DNAJC11: variants seen among roughly 807,000 people sequenced by gnomAD.
DNAJC11 encodes DnaJ heat shock protein family (Hsp40) member C11, also known as dnaJ homolog subfamily C member 11.
In DNAJC11, 15 loss-of-function variants were observed where a neutral mutation model predicts 78.6. The observed-to-expected ratio is 0.19, with a 90% CI of 0.13 to 0.29. The LOEUF is 0.29. Ranked by LOEUF, DNAJC11 falls within the 10% of genes least tolerant of loss-of-function variation. The pLI, the probability that DNAJC11 is intolerant of heterozygous loss-of-function variation, is 1.00. For synonymous variants in DNAJC11, 292 were observed against 272.1 expected (o/e 1.07, Z -0.72); for missense variants, 547 against 709.6 (o/e 0.77, Z 2.60).
At chr1:6,690,767 A>G (rs1340561648) in intron 1 of DNAJC11, among the ~76,000 whole-genome samples, 1 of 151,930 alleles carries the variant, frequency 6.6e-6, no homozygotes, top group Non-Finnish European at 1.5e-5. Flanking sequence ...TACCAAAAAT[A>G]CAAAAAATTA....
In DNAJC11 at chr1:6,638,343, T is replaced by C. The variant is rs747469514; in HGVS notation, c.1275A>G (p.Glu425=). Residue 425 remains glutamate (E), a synonymous_variant, in exon 12 of 16, where the codon GAA becomes GAG. Transcript: ENST00000377577. ...QKEKELEKQR[E]SAATDVLQKK... ...TCTGCAGCACATCGGTGGCGGCGCT[T>C]TCCCTCTGCTTCTCCAATTCCCTTA... is the stretch of plus-strand genomic sequence containing the variant. The C allele has an allele frequency of 9.9e-6, 16 of 1,613,522 alleles. No homozygotes were observed. The highest frequency in any genetic ancestry group is 1.3e-5 in the Non-Finnish European group (15 of 1,179,734).
intron 4 of DNAJC11, among the ~76,000 whole-genome samples, chr1:6,663,900 A>G (rs1211610509): frequency 6.6e-6 from 1 of 152,224 alleles, no homozygotes; most frequent in East Asian, 1.9e-4. Flanking sequence ...CTAAGAATGC[A>G]GAAGGGACTT....
At position 6,653,991 on chromosome 1, in the gene DNAJC11, C is replaced by T. The variant is rs764471209; in HGVS notation, c.427G>A (p.Asp143Asn). The T allele has an allele frequency of 1.2e-6, 2 of 1,613,700 alleles. No homozygotes were observed. The highest frequency in any genetic ancestry group is 3.3e-5 in the Admixed American group (2 of 60,008). ...CCGGACACATCTTCATACTCCTCAT[C>T]ATAGCGATCAAAAAGGTCGGTGGCA... is the stretch of plus-strand genomic sequence containing the variant. ...VDATDLFDRY[D>N]EEYEDVSGSS... is the part of the protein sequence containing the mutation. The change falls in exon 5 of 16, where the codon GAT (aspartate) becomes AAT (asparagine). Residue 143 changes from aspartate to asparagine, a missense_variant. Physicochemically the swap from Asp to Asn is conservative, Grantham distance 23. Coordinates refer to ENST00000377577, the MANE Select transcript of DNAJC11 (RefSeq NM_018198.4). This position sits in a 1 kb window ranked among gnomAD's most constrained non-coding sequence, Gnocchi z 4.5.
In DNAJC11 at chr1:6,660,557, G is replaced by A. The variant is rs145596758; in HGVS notation, c.379-6518C>T. On this transcript the variant is annotated intron_variant, in intron 4 of 15. Transcript: ENST00000377577. Reference sequence around the variant, plus strand: ...TTAGGTTGTCTGTTTTATTCTCTGCGGAATGTTCACATTCCTAAAGTGTCT... The same window carrying A: ...TTAGGTTGTCTGTTTTATTCTCTGCAGAATGTTCACATTCCTAAAGTGTCT... Among the ~76,000 whole-genome samples, 439 of 152,046 alleles carry A rather than the reference G, an allele frequency of 2.9e-3. 1 individual carries two copies. Among genetic ancestry groups the A allele is most frequent in the Non-Finnish European group, 3.9e-3 (262 of 68,008 alleles).
chr1:6,691,157 C>T (rs1220611305), intron 1 of DNAJC11, among the ~76,000 whole-genome samples: 1 of 140,416 alleles, frequency 7.1e-6, no homozygotes. Flanking sequence ...AAAAAGATTA[C>T]ACAATTAGTA....
In DNAJC11 at chr1:6,646,899, TA is replaced by T. The variant is rs1242551783; in HGVS notation, c.705-922del. 5.9e-5 allele frequency among the ~76,000 whole-genome samples: 9 copies of T among 152,162 alleles called. No individual in the cohort carries two copies. The East Asian group carries it at 1.7e-3, about 29-fold the overall frequency. On this transcript the variant is annotated intron_variant, in intron 7 of 15. Transcript: ENST00000377577. ...AGGCAGGCTCATTGGCTCACACCTG[TA>T]ACCCCAGCACTTTGGGAGGCTGAGG...
rs1039021853 is a variant in DNAJC11, at chr1:6,645,316, A to T, written c.895-190T>A. Among the ~76,000 whole-genome samples the T allele has an allele frequency of 6.6e-6, 1 of 152,224 alleles. No homozygotes were observed. Among genetic ancestry groups the T allele is most frequent in the African/African-American group, 2.4e-5 (1 of 41,448 alleles). ...CAGTAATTAAAAAGTGGGAGACTTC[A>T]CTGAAAACCCAGTTTTCTAGCTTCT... On this transcript the variant is annotated intron_variant, in intron 8 of 15. Coordinates refer to ENST00000377577, the MANE Select transcript of DNAJC11 (RefSeq NM_018198.4). The surrounding 1 kb of genome is among the most constrained non-coding windows in gnomAD (Gnocchi z 4.1).
At chr1:6,689,394 A>T (rs865842673) in intron 1 of DNAJC11, among the ~76,000 whole-genome samples, 1 of 152,212 alleles carries the variant, frequency 6.6e-6, no homozygotes, top group Non-Finnish European at 1.5e-5. Flanking sequence ...TTTGGCTCGA[A>T]TATGGGTTAG....
In DNAJC11 at chr1:6,654,035, G is replaced by A. The variant is rs769857928; in HGVS notation, c.383C>T (p.Thr128Met). The A allele has an allele frequency of 5.2e-5, 84 of 1,612,190 alleles. No individual in the cohort carries two copies. Among genetic ancestry groups the A allele is most frequent in the Middle Eastern group, 1.7e-4 (1 of 6,038 alleles). Reference sequence around the variant, plus strand: ...GGTGGCATCTACTCCAACGCTGATCGTTCCCTGGGGCAGAAAAACAAGCCG... The same window carrying A: ...GGTGGCATCTACTCCAACGCTGATCATTCCCTGGGGCAGAAAAACAAGCCG... ...RLQQRTNPKG[T>M]ISVGVDATDL... is the part of the protein sequence containing the mutation. Residue 128 changes from threonine (T) to methionine (M), a missense_variant, in exon 5 of 16, where the codon ACG (threonine) becomes ATG (methionine). Coordinates refer to ENST00000377577, the MANE Select transcript of DNAJC11 (RefSeq NM_018198.4).
chr1:6,637,912 T>G, intron 12 of DNAJC11: 2 of 396,180 alleles, frequency 5.0e-6, no homozygotes. Context: ...TGTGGTGCCA[T>G]TCTGCTGGGC....
At chr1:6,691,290 CAAG>C (rs34554369) in intron 1 of DNAJC11, among the ~76,000 whole-genome samples, 32,223 of 151,406 alleles carry the variant, frequency 0.21, 3,828 homozygotes, top group Admixed American at 0.32. Context: ...TCACAGAATT[CAAG>C]AACAAATGGG....
In DNAJC11 at chr1:6,653,844, G is replaced by A; in HGVS notation, c.507+67C>T. 1 of 1,577,254 alleles carries A rather than the reference G, an allele frequency of 6.3e-7. No homozygotes were observed. The highest frequency in any genetic ancestry group is 1.1e-5 in the South Asian group (1 of 89,312). ...CCCTGGGCAGACTCTCATTCCAGCT[G>A]CTTGGTGTGCTGTGCCTCATTAACT... On this transcript the variant is annotated intron_variant, in intron 5 of 15. Coordinates refer to ENST00000377577, the MANE Select transcript of DNAJC11 (RefSeq NM_018198.4). This position sits in a 1 kb window ranked among gnomAD's most constrained non-coding sequence, Gnocchi z 4.5.
At chr1:6,661,972 C>A (rs1244797401) in intron 4 of DNAJC11, among the ~76,000 whole-genome samples, 1 of 152,156 alleles carries the variant, frequency 6.6e-6, no homozygotes, top group Non-Finnish European at 1.5e-5. Context: ...CTCTCTGTCA[C>A]CCAGGCTGGA....
At chr1:6,695,663 C>A (rs897465896) in intron 1 of DNAJC11, among the ~76,000 whole-genome samples, 1 of 78,780 alleles carries the variant, frequency 1.3e-5, no homozygotes, top group African/African-American at 4.4e-5. Context: ...AAAAAATTAG[C>A]CGGGTGTACT....
intron 1 of DNAJC11, among the ~76,000 whole-genome samples, chr1:6,681,705 T>G (rs1011421482): frequency 6.6e-6 from 1 of 150,802 alleles, no homozygotes; most frequent in Non-Finnish European, 1.5e-5. Context: ...TTAACCACAG[T>G]GGGGGGGGCG....
In DNAJC11 at chr1:6,663,850, C is replaced by G. The variant is rs187022716; in HGVS notation, c.378+3859G>C. Among the ~76,000 whole-genome samples, 274 of 152,306 alleles carry G rather than the reference C, an allele frequency of 1.8e-3. 1 individual carries two copies. The highest frequency in any genetic ancestry group is 6.3e-3 in the African/African-American group (261 of 41,560). ...GACTGTGGGGTCCAAAGACTCAACC[C>G]AGAAAGCGGGCCTCCCATTTCATGG... On this transcript the variant is annotated intron_variant, in intron 4 of 15. Coordinates refer to ENST00000377577, the MANE Select transcript of DNAJC11 (RefSeq NM_018198.4).
At chr1:6,652,466 T>C (rs1050503274) in intron 6 of DNAJC11, among the ~76,000 whole-genome samples, 3 of 152,132 alleles carry the variant, frequency 2.0e-5, no homozygotes, top group African/African-American at 7.2e-5. Context: ...ATTTTGCTCT[T>C]GTCCCCCAGA....
At chr1:6,644,715 C>A in intron 9 of DNAJC11, 41 bp from the exon 10 acceptor site, 1 of 1,533,346 alleles carries the variant, frequency 6.5e-7, no homozygotes, top group South Asian at 1.1e-5. Flanking sequence ...GCCCCTCATT[C>A]ATCACTTCAG....
Position 6,645,917 on chromosome 1 carries a change from T to C in DNAJC11, c.766A>G (p.Thr256Ala), listed in dbSNP as rs1265656339. 2 of 1,614,142 alleles carry C rather than the reference T, an allele frequency of 1.2e-6. No individual in the cohort carries two copies. The highest frequency in any genetic ancestry group is 8.5e-7 in the Non-Finnish European group (1 of 1,180,016). Residue 256 changes from threonine to alanine, a missense_variant, in exon 8 of 16, where the codon ACT becomes GCT. By Grantham distance (58) the Thr-to-Ala change is moderately conservative. Coordinates refer to ENST00000377577, the MANE Select transcript of DNAJC11 (RefSeq NM_018198.4). The surrounding 1 kb of genome is among the most constrained non-coding windows in gnomAD (Gnocchi z 4.1). ...SSRGIRPGLT[T>A]VLARNLDKNT... ...TTGTCTAGGTTCCGAGCTAGGACAG[T>C]GGTCAGGCCGGGTCGGATTCCACGG...
Sources: gnomAD v4.1 joint callset for allele counts (sites outside exome capture counted in the v4.1 genomes callset) on GRCh38, gnomAD v4.1.1 for gene constraint, Gnocchi (gnomAD v3.1) non-coding constraint, MANE v1.5 for transcripts, NCBI Gene and HGNC (gene_info 2026-07-23, HGNC 2026-07-21) for gene names.